The following SLC17A3 variants were observed in gnomAD, a reference collection of about 807,000 sequenced individuals.
SLC17A3 encodes solute carrier family 17 member 3.
A neutral mutation model predicts 60.3 loss-of-function variants in SLC17A3; 61 were observed. The observed-to-expected ratio is 1.01, with a 90% CI of 0.82 to 1.25. SLC17A3 has a LOEUF of 1.25. SLC17A3 is among the 50% of genes most tolerant of loss of function. The pLI is 0.00. For missense variants in SLC17A3, 624 were observed against 594.9 expected (o/e 1.05, Z -0.51); for synonymous variants, 192 against 208.9 (o/e 0.92, Z 0.70).
At chr6:25,863,484 C>T (rs1264388350) in intron 2 of SLC17A3, among the ~76,000 whole-genome samples, 1 of 152,102 alleles carries the variant, frequency 6.6e-6, no homozygotes, top group Non-Finnish European at 1.5e-5. Flanking sequence ...CTTTGGAACT[C>T]TCTCCAACCC....
At chr6:25,866,524 G>A (rs1279044806) in intron 2 of SLC17A3, among the ~76,000 whole-genome samples, 2 of 151,928 alleles carry the variant, frequency 1.3e-5, no homozygotes, top group Non-Finnish European at 2.9e-5. Flanking sequence ...GAAACTGTAA[G>A]ATAATAAATG....
At chr6:25,857,901 C>CA (rs1222066706) in intron 5 of SLC17A3, among the ~76,000 whole-genome samples, 1 of 152,186 alleles carries the variant, frequency 6.6e-6, no homozygotes, top group Non-Finnish European at 1.5e-5. Context: ...CCATCTCCTC[C>CA]AATCTATCCC....
At chr6:25,846,923 T>C (rs1005517016) in intron 11 of SLC17A3, among the ~76,000 whole-genome samples, 1 of 152,164 alleles carries the variant, frequency 6.6e-6, no homozygotes, top group Non-Finnish European at 1.5e-5. Flanking sequence ...AAATATTATT[T>C]TCTAAAAACA....
In SLC17A3 at chr6:25,859,365, C is replaced by T. The variant is rs568964463; in HGVS notation, c.625+2259G>A. ...ATGTGGCCATCTCTTCCCAACTCTG[C>T]GTTCAGTGACTTGACTGAATCTTGA... On this transcript the variant is annotated intron_variant, in intron 5 of 12. Transcript: ENST00000397060. 3.9e-5 allele frequency among the ~76,000 whole-genome samples: 6 copies of T among 152,260 alleles called. No homozygotes were observed. In the South Asian group the frequency reaches 1.0e-3, roughly 26 times the overall value.
At position 25,850,473 on chromosome 6, in the gene SLC17A3, C is replaced by G. The variant is rs1464582296; in HGVS notation, c.979G>C (p.Val327Leu). 1.2e-6 allele frequency: 2 copies of G among 1,613,816 alleles called. No homozygotes were observed. Among genetic ancestry groups the G allele is most frequent in the Non-Finnish European group, 1.7e-6 (2 of 1,179,804 alleles). ...AACATACTCACGTCTCTGATGTTAA[C>G]ATGGTACACAGAGCTGATGTAAGTT... is the stretch of plus-strand genomic sequence containing the variant. ...IPTYISSVYH[V>L]NIRDNGLLSA... The change falls in exon 8 of 13, where the codon GTT (valine) becomes CTT (leucine). Residue 327 changes from valine to leucine, a missense_variant. Transcript: ENST00000397060.
intron 11 of SLC17A3, among the ~76,000 whole-genome samples, chr6:25,848,598 C>G (rs1434291096): frequency 6.6e-6 from 1 of 152,120 alleles, no homozygotes; most frequent in Admixed American, 6.5e-5. Context: ...CAAAAATCAA[C>G]TGAAGATAGA....
chr6:25,862,500 T>C (rs1425639645), intron 2 of SLC17A3, 56 bp from the exon 3 acceptor site: 1 of 1,355,278 alleles, frequency 7.4e-7, no homozygotes, highest in Non-Finnish European at 1.1e-6. Flanking sequence ...AACATTAGTT[T>C]TTCACAAGAT....
In SLC17A3 at chr6:25,862,531, T is replaced by C. The variant is rs1765469416; in HGVS notation, c.92-87A>G. 8.5e-5 allele frequency: 89 copies of C among 1,046,496 alleles called. 2 individuals carry two copies. In the South Asian group the frequency reaches 1.1e-3, roughly 13 times the overall value. 64.8% of individuals were successfully genotyped at this position (1,046,496 alleles called of 1,614,324 possible). On this transcript the variant is annotated intron_variant, in intron 2 of 12. Transcript: ENST00000397060. ...AAGATATGATTTAAAAAGTACCTGA[T>C]CACTTAACGATTTAAATCATTACTT... is the stretch of plus-strand genomic sequence containing the variant.
rs1379795122 is a variant in SLC17A3 at position 25,849,990 on chromosome 6, G to A, written c.1124-38C>T. On this transcript the variant is annotated intron_variant, in intron 9 of 12. Transcript: ENST00000397060. ...GAAGAAACCAATTAAACAGTGAGAT[G>A]CATTCTTTGGCTGTTGTATGCTACG... The A allele has an allele frequency of 2.5e-6, 4 of 1,613,886 alleles. No homozygotes were observed. In the East Asian group the frequency reaches 8.9e-5, roughly 36 times the overall value.
chr6:25,868,883 C>T (rs1561860962), intron 1 of SLC17A3, among the ~76,000 whole-genome samples: 1 of 151,920 alleles, frequency 6.6e-6, no homozygotes, highest in Non-Finnish European at 1.5e-5. Context: ...ATCACTGGAG[C>T]TACCATAGCA....
chr6:25,850,543 A>G lies in SLC17A3; in HGVS notation c.909T>C (p.Cys303=). 4.3e-6 allele frequency: 7 copies of G among 1,613,894 alleles called. No individual in the cohort carries two copies. The highest frequency in any genetic ancestry group is 5.9e-6 in the Non-Finnish European group (7 of 1,179,808). ...SLPIWSICLG[C]FSHQWLVSTM... ...TGCTAACTAACCATTGATGGCTGAAACAGCCTAAACATATGGACCAAATGG... is the reference window on the plus strand; with the variant it reads ...TGCTAACTAACCATTGATGGCTGAAGCAGCCTAAACATATGGACCAAATGG... Residue 303 remains cysteine (C), a synonymous_variant, in exon 8 of 13, where the codon TGT becomes TGC. Transcript: ENST00000397060.
chr6:25,856,503 C>T lies in SLC17A3; in HGVS notation c.626-1273G>A, dbSNP rs1308651354. The stretch of plus-strand genomic sequence containing the variant: ...ATCCTTCCATCTTGGCCTCCCAAAG[C>T]ACTGGATTACAGGCATAAGCCACCA... On this transcript the variant is annotated intron_variant, in intron 5 of 12. Coordinates refer to ENST00000397060, the MANE Select transcript of SLC17A3 (RefSeq NM_001098486.2). Among the ~76,000 whole-genome samples, 8 of 152,272 alleles carry T rather than the reference C, an allele frequency of 5.3e-5. No individual in the cohort carries two copies. In the South Asian group the frequency reaches 8.3e-4, roughly 16 times the overall value.
In SLC17A3 at chr6:25,845,440, A is replaced by G; in HGVS notation, c.1439T>C (p.Ile480Thr). Residue 480 changes from isoleucine (I) to threonine (T), a missense_variant, in exon 12 of 13, where the codon ATA becomes ACA. Transcript: ENST00000397060. ...VNLLGLLFYL[I>T]FGEADVQEWA... ...TTCTTGGACATCTGCTTCTCCAAAT[A>G]TGAGGTAGAAGAGTAGTCCTAACAG... The G allele has an allele frequency of 6.2e-7, 1 of 1,614,016 alleles. No individual in the cohort carries two copies. Among genetic ancestry groups the G allele is most frequent in the Non-Finnish European group, 8.5e-7 (1 of 1,179,916 alleles).
At chr6:25,872,687 C>T (rs932789176) in intron 1 of SLC17A3, among the ~76,000 whole-genome samples, 2 of 151,258 alleles carry the variant, frequency 1.3e-5, no homozygotes, top group Admixed American at 1.3e-4. Flanking sequence ...ATGATGTGAC[C>T]TCTTCTGCAA....
chr6:25,845,659 A>C, intron 11 of SLC17A3, 143 bp from the exon 12 acceptor site: 1 of 889,028 alleles, frequency 1.1e-6, no homozygotes, highest in South Asian at 1.5e-5. Flanking sequence ...AGTTAAATGC[A>C]AAGGATTTCA....
chr6:25,855,039 T>A, intron 6 of SLC17A3, 105 bp downstream of exon 6: 1 of 792,540 alleles, frequency 1.3e-6, no homozygotes, highest in Non-Finnish European at 2.2e-6. Context: ...TTCTAGGATT[T>A]ATCTGTCTTG....
chr6:25,856,333 C>G (rs1016739735), intron 5 of SLC17A3, among the ~76,000 whole-genome samples: 3 of 152,120 alleles, frequency 2.0e-5, no homozygotes, highest in African/African-American at 7.2e-5. Context: ...AACTCCTAGG[C>G]TCAAGCAATC....
chr6:25,855,079 A>C, intron 6 of SLC17A3, 65 bp downstream of exon 6: 1 of 1,047,536 alleles, frequency 9.5e-7, no homozygotes, highest in Non-Finnish European at 1.5e-6. Context: ...CTATACACAA[A>C]ATATACTTAC....
intron 6 of SLC17A3, among the ~76,000 whole-genome samples, chr6:25,853,484 T>C (rs1165185): frequency 0.64 from 92,087 of 144,816 alleles, 31,172 homozygotes; most frequent in African/African-American, 0.87. Context: ...GGTGCGATCT[T>C]GGCTCACTGC....
Sources: allele counts gnomAD v4.1 joint callset (sites outside exome capture counted in the v4.1 genomes callset), GRCh38; gene constraint gnomAD v4.1.1; transcripts MANE v1.5; gene names NCBI Gene and HGNC (gene_info 2026-07-23, HGNC 2026-07-21).